The following LYPD6 variants were observed in gnomAD, a reference collection of about 807,000 sequenced individuals.
LYPD6 encodes the protein ly6/PLAUR domain-containing protein 6.
Under a neutral mutation model 22.7 loss-of-function variants are expected in LYPD6, and 15 were observed. The observed-to-expected ratio is 0.66, with a 90% CI of 0.44 to 1.02. LYPD6 has a LOEUF of 1.02. Ranked by LOEUF, LYPD6 falls within the 50% of genes least tolerant of loss-of-function variation. The pLI is 0.00. For missense variants in LYPD6, 189 were observed against 208.4 expected, an observed-to-expected ratio of 0.91 and a Z score of 0.57; for synonymous variants, 72 against 77.5, an observed-to-expected ratio of 0.93 and a Z score of 0.37.
chr2:149,369,185 C>G (rs1355432633), intron 1 of LYPD6, among the ~76,000 whole-genome samples: 2 of 151,942 alleles, frequency 1.3e-5, no homozygotes, highest in Non-Finnish European at 2.9e-5. Context: ...AATCAAGGTT[C>G]CCGGGGTTAC....
intron 1 of LYPD6, among the ~76,000 whole-genome samples, chr2:149,387,768 A>G (rs1476338177): frequency 2.0e-5 from 3 of 152,218 alleles, no homozygotes; most frequent in Non-Finnish European, 4.4e-5. Flanking sequence ...GAAGTAAATG[A>G]TGAAATAAAT....
chr2:149,480,096 G>A, the LYPD6 span, among the ~76,000 whole-genome samples: 9 of 150,010 alleles, frequency 6.0e-5, no homozygotes, highest in East Asian at 3.9e-4. Flanking sequence ...GTCAACCTCC[G>A]CCTCCCAGGT....
chr2:149,422,459 G>A (rs73964425), intron 1 of LYPD6, among the ~76,000 whole-genome samples: 2,609 of 152,212 alleles, frequency 0.017, 85 homozygotes, highest in African/African-American at 0.06. Flanking sequence ...AGCACTTCAT[G>A]TCCTTGCTGT....
chr2:149,402,234 G>A (rs1055964820), intron 1 of LYPD6, among the ~76,000 whole-genome samples: 30 of 123,362 alleles, frequency 2.4e-4, no homozygotes, highest in African/African-American at 7.9e-4. Context: ...GTGTGTTTGC[G>A]TGTGTGTGTG....
intron 1 of LYPD6, among the ~76,000 whole-genome samples, chr2:149,371,461 T>G (rs1028324298): frequency 6.6e-6 from 1 of 152,208 alleles, no homozygotes; most frequent in Non-Finnish European, 1.5e-5. Flanking sequence ...TATTTTTTCC[T>G]CTAAGAAATC....
At chr2:149,338,611 G>A (rs1220421025) in intron 1 of LYPD6, among the ~76,000 whole-genome samples, 2 of 152,122 alleles carry the variant, frequency 1.3e-5, no homozygotes, top group Non-Finnish European at 2.9e-5. Flanking sequence ...CAGAGAATGA[G>A]CCCTCACCAG....
At chr2:149,430,257 G>A (rs552879076) in intron 1 of LYPD6, among the ~76,000 whole-genome samples, 1 of 152,190 alleles carries the variant, frequency 6.6e-6, no homozygotes, top group African/African-American at 2.4e-5. Flanking sequence ...CCGCCGCCAT[G>A]CCCAGCTAAT....
At chr2:149,420,236 A>C (rs545403929) in intron 1 of LYPD6, among the ~76,000 whole-genome samples, 2 of 152,358 alleles carry the variant, frequency 1.3e-5, no homozygotes, top group Admixed American at 1.3e-4. Flanking sequence ...AAACGAGGAC[A>C]TTGAACTGCA....
intron 1 of LYPD6, among the ~76,000 whole-genome samples, chr2:149,424,742 A>G (rs765056556): frequency 5.3e-5 from 8 of 152,148 alleles, no homozygotes; most frequent in South Asian, 4.1e-4. Flanking sequence ...CTAGACACCT[A>G]TTCATAGTGG....
chr2:149,391,009 G>A (rs1573765213), intron 1 of LYPD6, among the ~76,000 whole-genome samples: 1 of 152,202 alleles, frequency 6.6e-6, no homozygotes, highest in Non-Finnish European at 1.5e-5. Context: ...GGTGGAATCA[G>A]TGTTATTGTG....
At chr2:149,401,583 C>G (rs1266473509) in intron 1 of LYPD6, among the ~76,000 whole-genome samples, 1 of 152,184 alleles carries the variant, frequency 6.6e-6, no homozygotes, top group Non-Finnish European at 1.5e-5. Context: ...TCCACATACA[C>G]ATTTTCTATA....
Position 149,347,481 on chromosome 2 carries a change from A to T in LYPD6, c.-72+16759A>T, listed in dbSNP as rs576329200. Among the ~76,000 whole-genome samples the T allele has an allele frequency of 6.6e-5, 10 of 152,288 alleles. No homozygotes were observed. In the South Asian group the frequency reaches 8.3e-4, roughly 13 times the overall value. ...AACAATTTGACCAAAGCCATGGCCA[A>T]CATCATCACTTGACAAAATGGAATT... is the stretch of plus-strand genomic sequence containing the variant. On this transcript the variant is annotated intron_variant, in intron 1 of 4. Coordinates refer to ENST00000334166, the MANE Select transcript of LYPD6 (RefSeq NM_194317.5).
intron 1 of LYPD6, among the ~76,000 whole-genome samples, chr2:149,356,857 A>G (rs1681459406): frequency 6.8e-6 from 1 of 147,860 alleles, no homozygotes; most frequent in South Asian, 2.1e-4. Flanking sequence ...TATGTATAAC[A>G]TATGTGTAAT....
At chr2:149,420,978 C>G (rs867502391) in intron 1 of LYPD6, among the ~76,000 whole-genome samples, 1 of 152,118 alleles carries the variant, frequency 6.6e-6, no homozygotes, top group African/African-American at 2.4e-5. Flanking sequence ...GTGTCAAGGT[C>G]GCATCCCATA....
chr2:149,400,686 G>A (rs1304084938), intron 1 of LYPD6, among the ~76,000 whole-genome samples: 2 of 152,144 alleles, frequency 1.3e-5, no homozygotes, highest in Non-Finnish European at 1.5e-5. Flanking sequence ...AAGTGTCAGG[G>A]CATCCTTAAT....
At chr2:149,337,777 A>T (rs180712244) in intron 1 of LYPD6, among the ~76,000 whole-genome samples, 2 of 151,848 alleles carry the variant, frequency 1.3e-5, no homozygotes, top group East Asian at 3.9e-4. Context: ...TTCATTCCTC[A>T]CTCTCTTCCC....
At chr2:149,390,881 A>G (rs1455860190) in intron 1 of LYPD6, among the ~76,000 whole-genome samples, 1 of 152,246 alleles carries the variant, frequency 6.6e-6, no homozygotes, top group African/African-American at 2.4e-5. Flanking sequence ...ACTTTTATTT[A>G]TTGAGAACAT....
intron 3 of LYPD6, among the ~76,000 whole-genome samples, chr2:149,468,401 G>T (rs548030163): frequency 6.6e-6 from 1 of 152,212 alleles, no homozygotes; most frequent in African/African-American, 2.4e-5. Context: ...AGAAACCATT[G>T]TGTCTTGGTT....
intron 2 of LYPD6, among the ~76,000 whole-genome samples, chr2:149,442,727 T>G (rs1036129249): frequency 1.3e-5 from 2 of 152,176 alleles, no homozygotes; most frequent in Non-Finnish European, 2.9e-5. Flanking sequence ...TAGACCTCAT[T>G]TCTGGCAAAA....
Sources: gnomAD v4.1 joint callset for allele counts (sites outside exome capture counted in the v4.1 genomes callset) on GRCh38, gnomAD v4.1.1 for gene constraint, MANE v1.5 for transcripts, NCBI Gene and HGNC (gene_info 2026-07-23, HGNC 2026-07-21) for gene names.